CTTNBP2: variants seen among roughly 807,000 people sequenced by gnomAD.
CTTNBP2 encodes cortactin binding protein 2.
Under a neutral mutation model 156.9 loss-of-function variants are expected in CTTNBP2, and 108 were observed. The ratio of observed to expected loss-of-function variants is 0.69; its 90% CI spans 0.59 to 0.81. CTTNBP2 has a LOEUF of 0.81. CTTNBP2 is among the 30% of genes least tolerant of loss of function. CTTNBP2 has a pLI of 0.00. For synonymous variants in CTTNBP2, 767 were observed against 751.8 expected (o/e 1.02, Z -0.33); for missense variants, 1,924 against 2,035.4 (o/e 0.95, Z 1.05).
At position 117,777,664 on chromosome 7, in the gene CTTNBP2, A is replaced by G. The variant is rs1798179599; in HGVS notation, c.2625T>C (p.Asn875=). 2 of 1,614,092 alleles carry G rather than the reference A, an allele frequency of 1.2e-6. No homozygotes were observed. The highest frequency in any genetic ancestry group is 1.7e-6 in the Non-Finnish European group (2 of 1,180,002). ...HRIPAHGNSF[N]EEESESSVFD... ...AGACACTTGACTCGGACTCCTCCTC[A>G]TTGAAAGAATTTCCATGAGCTGGTA... is the stretch of plus-strand genomic sequence containing the variant. Residue 875 remains asparagine, a synonymous_variant, in exon 8 of 23, where the codon AAT becomes AAC. Coordinates refer to ENST00000160373, the MANE Select transcript of CTTNBP2 (RefSeq NM_033427.3).
chr7:117,864,819 A>ATATTC, intron 1 of CTTNBP2, among the ~76,000 whole-genome samples: 1 of 137,434 alleles, frequency 7.3e-6, no homozygotes, highest in African/African-American at 2.9e-5. Context: ...ATATTCATTC[A>ATATTC]ATATATATTC....
At chr7:117,824,085 C>G (rs1801132245) in intron 2 of CTTNBP2, among the ~76,000 whole-genome samples, 1 of 151,586 alleles carries the variant, frequency 6.6e-6, no homozygotes, top group Non-Finnish European at 1.5e-5. Context: ...ACCCTCACAA[C>G]AGTAGATATT....
intron 6 of CTTNBP2, among the ~76,000 whole-genome samples, chr7:117,780,917 T>C (rs1013314501): frequency 2.6e-5 from 4 of 152,254 alleles, no homozygotes; most frequent in Admixed American, 1.3e-4. Context: ...ACGGTTTAAC[T>C]GTACTTGATA....
chr7:117,846,731 T>C (rs1416352185), intron 2 of CTTNBP2, among the ~76,000 whole-genome samples: 1 of 152,124 alleles, frequency 6.6e-6, no homozygotes, highest in East Asian at 1.9e-4. Context: ...CTAACAAAAA[T>C]GTTAAAAGTT....
chr7:117,786,050 T>C (rs1798687122), intron 4 of CTTNBP2, among the ~76,000 whole-genome samples: 1 of 152,234 alleles, frequency 6.6e-6, no homozygotes, highest in Admixed American at 6.5e-5. Flanking sequence ...ATTCTTATGA[T>C]TAAATCCTAA....
chr7:117,719,487 C>T lies in CTTNBP2; in HGVS notation c.4644+17G>A, dbSNP rs1057108172. The T allele has an allele frequency of 6.2e-7, 1 of 1,608,340 alleles. No individual in the cohort carries two copies. Among genetic ancestry groups the T allele is most frequent in the South Asian group, 1.1e-5 (1 of 90,124 alleles). ...GTTGAGTAGAGCCATTCAATGCCCC[C>T]CATTTGTACTGCTCACCTTGCTGAT... On this transcript the variant is annotated intron_variant, in intron 21 of 22. Coordinates refer to ENST00000160373, the MANE Select transcript of CTTNBP2 (RefSeq NM_033427.3).
chr7:117,733,404 G>A (rs1263780390), intron 16 of CTTNBP2, among the ~76,000 whole-genome samples: 1 of 152,188 alleles, frequency 6.6e-6, no homozygotes, highest in Non-Finnish European at 1.5e-5. Context: ...AGAGCTAGCG[G>A]GAGAGGGGTA....
At chr7:117,809,165 A>G (rs1361464876) in intron 3 of CTTNBP2, among the ~76,000 whole-genome samples, 1 of 141,766 alleles carries the variant, frequency 7.1e-6, no homozygotes, top group African/African-American at 2.6e-5. Flanking sequence ...GTCATTCAGA[A>G]ACAAACAGGA....
chr7:117,760,624 T>C lies in CTTNBP2; in HGVS notation c.2983A>G (p.Ile995Val). 1 of 1,613,716 alleles carries C rather than the reference T, an allele frequency of 6.2e-7. No individual in the cohort carries two copies. The highest frequency in any genetic ancestry group is 1.6e-4 in the Middle Eastern group (1 of 6,062). ...GSDDLECENTICALNIRKQTS... is the reference protein window; with the variant it reads ...GSDDLECENTVCALNIRKQTS... ...TGTTTGCGGATATTTAAAGCACATA[T>C]TGTGTTTTCACATTCCAAGTCATCA... Residue 995 changes from isoleucine (I) to valine (V), a missense_variant, in exon 10 of 23, where the codon ATA (isoleucine) becomes GTA (valine). Physicochemically the swap from Ile to Val is conservative, Grantham distance 29 (BLOSUM62 3). Coordinates refer to ENST00000160373, the MANE Select transcript of CTTNBP2 (RefSeq NM_033427.3).
chr7:117,865,671 CAAAAAAAAAA>C (rs61533705), intron 1 of CTTNBP2, among the ~76,000 whole-genome samples: 986 of 74,516 alleles, frequency 0.013, 24 homozygotes, highest in African/African-American at 0.048. Context: ...ACTCCATCTC[CAAAAAAAAAA>C]AAAAAAAAAG....
intron 6 of CTTNBP2, 41 bp from the exon 7 acceptor site, chr7:117,780,632 T>C (rs1273699198): frequency 7.1e-7 from 1 of 1,408,732 alleles, no homozygotes; most frequent in Admixed American, 2.4e-5. Flanking sequence ...AACCTGGGTT[T>C]GACCTTTGAA....
chr7:117,835,099 C>T (rs1228956423), intron 2 of CTTNBP2, among the ~76,000 whole-genome samples: 2 of 152,228 alleles, frequency 1.3e-5, no homozygotes, highest in South Asian at 2.1e-4. Flanking sequence ...TAAACCTGAG[C>T]AGCTCAGCTG....
At chr7:117,764,438 T>C (rs1584963332) in intron 9 of CTTNBP2, among the ~76,000 whole-genome samples, 1 of 152,332 alleles carries the variant, frequency 6.6e-6, no homozygotes, top group East Asian at 1.9e-4. Flanking sequence ...CACTCTTTCT[T>C]GGCTCAGCCT....
At chr7:117,734,740 A>G (rs1795584906) in intron 16 of CTTNBP2, among the ~76,000 whole-genome samples, 173 bp downstream of exon 16, 1 of 152,232 alleles carries the variant, frequency 6.6e-6, no homozygotes, top group Admixed American at 6.5e-5. Flanking sequence ...TAGTTAATGT[A>G]GTGCAGAAAT....
At chr7:117,845,971 C>T (rs1012447980) in intron 2 of CTTNBP2, among the ~76,000 whole-genome samples, 10 of 152,150 alleles carry the variant, frequency 6.6e-5, no homozygotes, top group African/African-American at 2.4e-4. Context: ...CTGCTTCAGC[C>T]TCCCGAGTAG....
chr7:117,775,545 C>T (rs1331449323), intron 8 of CTTNBP2, among the ~76,000 whole-genome samples: 1 of 149,898 alleles, frequency 6.7e-6, no homozygotes. Context: ...GTTCAGTAGC[C>T]GAACATCCTA....
intron 12 of CTTNBP2, among the ~76,000 whole-genome samples, chr7:117,747,217 T>C (rs1288163616): frequency 6.6e-6 from 1 of 152,202 alleles, no homozygotes; most frequent in Admixed American, 6.5e-5. Flanking sequence ...GTTCTCTCTA[T>C]AATCTAGAAC....
chr7:117,734,313 A>C (rs116351287), intron 16 of CTTNBP2, among the ~76,000 whole-genome samples: 142 of 152,306 alleles, frequency 9.3e-4, no homozygotes, highest in African/African-American at 3.3e-3. Flanking sequence ...TACTAAATCA[A>C]ACTCTATTAT....
In CTTNBP2 at chr7:117,817,361, A is replaced by ATAT. The variant is rs1298639361; in HGVS notation, c.190-6373_190-6372insATA. ...AAAAAAAAAAAAAAAAAAAAAAAAA[A>ATAT]ATATATATATATATATATATATATA... On this transcript the variant is annotated intron_variant, in intron 2 of 22. Coordinates refer to ENST00000160373, the MANE Select transcript of CTTNBP2 (RefSeq NM_033427.3). Among the ~76,000 whole-genome samples the ATAT allele has an allele frequency of 4.8e-3, 256 of 53,290 alleles. 32 individuals are homozygous for ATAT. Among genetic ancestry groups the ATAT allele is most frequent in the Middle Eastern group, 0.033 (2 of 60 alleles). 35.0% of individuals were successfully genotyped at this position (53,290 alleles called of 152,430 possible).
Sources: allele counts gnomAD v4.1 joint callset (sites outside exome capture counted in the v4.1 genomes callset), GRCh38; gene constraint gnomAD v4.1.1; transcripts MANE v1.5; gene names NCBI Gene and HGNC (gene_info 2026-07-23, HGNC 2026-07-21).